Variants in TARDBP observed in about 807,000 individuals in gnomAD.
TARDBP encodes TAR DNA binding protein, also known as TAR DNA-binding protein 43.
A neutral mutation model predicts 38.3 loss-of-function variants in TARDBP; 4 were observed. That is an observed-to-expected ratio of 0.10 (90% CI 0.05 to 0.24). The LOEUF (loss-of-function observed/expected upper bound fraction) is 0.24. Ranked by LOEUF, TARDBP falls within the 10% of genes least tolerant of loss-of-function variation. The pLI, the probability that TARDBP is intolerant of heterozygous loss-of-function variation, is 1.00. For synonymous variants in TARDBP, 184 were observed against 183.8 expected, an observed-to-expected ratio of 1.00 and a Z score of -0.01; for missense variants, 202 against 521.9, an observed-to-expected ratio of 0.39 and a Z score of 5.97.
chr1:11,018,684 G>GT, intron 3 of TARDBP, 49 bp from the exon 4 acceptor site: 3 of 1,613,448 alleles, frequency 1.9e-6, no homozygotes, highest in Non-Finnish European at 2.5e-6. Context: ...TGGGAATGGA[G>GT]TGTGTGAGTA....
At chr1:11,018,653 G>C (rs772847312) in intron 3 of TARDBP, 80 bp from the exon 4 acceptor site, 2 of 1,602,116 alleles carry the variant, frequency 1.2e-6, no homozygotes, top group African/African-American at 1.3e-5. Context: ...CATTCAAATT[G>C]TTTTCTAAGG....
downstream of TARDBP, among the ~76,000 whole-genome samples, chr1:11,028,579 G>A (rs1643779119): frequency 6.6e-6 from 1 of 151,996 alleles, no homozygotes; most frequent in African/African-American, 2.4e-5. Flanking sequence ...TATGTTTGCT[G>A]TTGTGGTAGT....
downstream of TARDBP, chr1:11,030,022 G>A (rs1175104072): frequency 1.7e-6 from 1 of 580,842 alleles, no homozygotes; most frequent in Non-Finnish European, 3.0e-6. Flanking sequence ...TGGGAAGGGG[G>A]TAATGAGAAC....
downstream of TARDBP, chr1:11,030,375 C>T (rs938025749): frequency 4.5e-6 from 3 of 661,798 alleles, no homozygotes. Flanking sequence ...GTCTGAAGAA[C>T]CATTTTACAT....
In TARDBP at chr1:11,013,751, C is replaced by G. The variant is rs72870030; in HGVS notation, c.24C>G (p.Thr8=). 1 of 1,611,148 alleles carries G rather than the reference C, an allele frequency of 6.2e-7. No homozygotes were observed. Among genetic ancestry groups the G allele is most frequent in the Admixed American group, 1.7e-5 (1 of 59,270 alleles). Residue 8 remains threonine, a synonymous_variant, in exon 2 of 6, where the codon ACC becomes ACG. Coordinates refer to ENST00000240185, the MANE Select transcript of TARDBP (RefSeq NM_007375.4). The part of the protein sequence containing the change: MSEYIRV[T]EDENDEPIEI... Reference sequence around the variant, plus strand: ...AGATGTCTGAATATATTCGGGTAACCGAAGATGAGAACGATGAGCCCATTG... The same window carrying G: ...AGATGTCTGAATATATTCGGGTAACGGAAGATGAGAACGATGAGCCCATTG...
downstream of TARDBP, chr1:11,025,613 G>C (rs1354409509): frequency 1.3e-5 from 2 of 152,066 alleles, no homozygotes; most frequent in Non-Finnish European, 2.9e-5. Flanking sequence ...TAAAAATTGA[G>C]TCTCAAGAAG....
intron 2 of TARDBP, chr1:11,016,271 GTTTC>G (rs1207150884): frequency 2.0e-5 from 3 of 153,464 alleles, no homozygotes; most frequent in East Asian, 3.8e-4. Flanking sequence ...CAAACTTTTG[GTTTC>G]TTTTTCTTTT....
At chr1:11,016,419 C>T (rs377278765) in intron 2 of TARDBP, among the ~76,000 whole-genome samples, 97 of 152,320 alleles carry the variant, frequency 6.4e-4, no homozygotes, top group African/African-American at 2.2e-3. Flanking sequence ...CTGGAACTTA[C>T]AGGCATACAC....
chr1:11,020,386 A>G (rs759149612), intron 4 of TARDBP, 43 bp from the exon 5 acceptor site: 1 of 1,611,998 alleles, frequency 6.2e-7, no homozygotes, highest in South Asian at 1.1e-5. Context: ...TTCATTGTTC[A>G]TAACATATTT....
intron 2 of TARDBP, chr1:11,015,411 G>A (rs1301706951): frequency 6.6e-6 from 1 of 152,130 alleles, no homozygotes; most frequent in African/African-American, 2.4e-5. Context: ...GCTTGAACCG[G>A]GAGGTGGAGA....
At position 11,024,733 on chromosome 1, in the gene TARDBP, T is replaced by TA. The variant is rs1643698567; in HGVS notation, c.*2083dup. 6.6e-6 allele frequency: 1 copy of TA among 152,656 alleles called. No homozygotes were observed. Among genetic ancestry groups the TA allele is most frequent in the African/African-American group, 2.4e-5 (1 of 41,450 alleles). 9.5% of individuals were successfully genotyped at this position (152,656 alleles called of 1,614,324 possible). A position where few individuals can be genotyped will look rare whatever the true frequency, so the allele number is the denominator to read the frequency against. On this transcript the variant is annotated 3_prime_UTR_variant, in exon 6 of 6. Transcript: ENST00000240185. ...TGTGGTAACATTGAATACAGTTGAA[T>TA]AAAATCGCTTACAAAACTCACACTC... is the stretch of plus-strand genomic sequence containing the variant.
chr1:11,018,557 A>G (rs1643575281), intron 3 of TARDBP, 176 bp from the exon 4 acceptor site: 5 of 809,986 alleles, frequency 6.2e-6, no homozygotes, highest in Non-Finnish European at 1.0e-5. Flanking sequence ...TGTTGTTAAC[A>G]CAGTATGGAT....
At chr1:11,014,952 G>A (rs954143632) in intron 2 of TARDBP, among the ~76,000 whole-genome samples, 7 of 150,714 alleles carry the variant, frequency 4.6e-5, no homozygotes, top group Non-Finnish European at 7.4e-5. Flanking sequence ...AAAAAAAAAC[G>A]AAAACAAAAA....
downstream of TARDBP, chr1:11,027,553 C>T: frequency 6.2e-7 from 1 of 1,614,178 alleles, no homozygotes. Flanking sequence ...GCTGTGGTTC[C>T]ACCTAATATC....
Position 11,016,778 on chromosome 1 carries a change from G to A in TARDBP, c.239-66G>A, listed in dbSNP as rs1240569554. On this transcript the variant is annotated intron_variant, in intron 2 of 5. Transcript: ENST00000240185. ...TTTTTGCTTCTCATTTCTAGATGTA[G>A]GAGGTAGTGTTTTTAAAGAAGTGCT... The A allele has an allele frequency of 2.0e-6, 3 of 1,504,962 alleles. No homozygotes were observed. The Admixed American group carries it at 5.1e-5, about 26-fold the overall frequency. The allele number at this position is 1,504,962 out of a possible 1,614,324, so 93.2% of individuals were successfully genotyped here. A position where few individuals can be genotyped will look rare whatever the true frequency, so the allele number is the denominator to read the frequency against.
rs1643688562 is a variant in TARDBP at position 11,024,141 on chromosome 1, G to A, written c.*1487G>A. 1 of 152,604 alleles carries A rather than the reference G, an allele frequency of 6.6e-6. No individual in the cohort carries two copies. Among genetic ancestry groups the A allele is most frequent in the African/African-American group, 2.4e-5 (1 of 41,514 alleles). The allele number at this position is 152,604 out of a possible 1,614,324, so 9.5% of individuals were successfully genotyped here. A position where few individuals can be genotyped will look rare whatever the true frequency, so the allele number is the denominator to read the frequency against. ...AGATGGAACTTTCATAAAGTTTCTT[G>A]GCAGTAGTTTATTTTGCTTCAAATA... On this transcript the variant is annotated 3_prime_UTR_variant, in exon 6 of 6. Transcript: ENST00000240185.
intron 5 of TARDBP, among the ~76,000 whole-genome samples, chr1:11,021,441 A>C (rs1489368251): frequency 6.8e-6 from 1 of 147,052 alleles, no homozygotes; most frequent in Non-Finnish European, 1.5e-5. Context: ...ACGCCTGGCC[A>C]GTTTTTTGTA....
At chr1:11,017,788 C>T (rs973931451) in intron 3 of TARDBP, among the ~76,000 whole-genome samples, 1 of 152,278 alleles carries the variant, frequency 6.6e-6, no homozygotes, top group Non-Finnish European at 1.5e-5. Flanking sequence ...TGGCTCATGC[C>T]TGTAATCCCA....
At chr1:11,014,008 C>A in intron 2 of TARDBP, 43 bp downstream of exon 2, 1 of 1,582,244 alleles carries the variant, frequency 6.3e-7, no homozygotes, top group South Asian at 1.1e-5. Context: ...GAAGTGTGTT[C>A]AGGTGTGTGT....
Sources: allele counts gnomAD v4.1 joint callset (sites outside exome capture counted in the v4.1 genomes callset), GRCh38; gene constraint gnomAD v4.1.1; transcripts MANE v1.5; gene names NCBI Gene and HGNC (gene_info 2026-07-23, HGNC 2026-07-21).